HTR2B: variants seen among roughly 807,000 people sequenced by gnomAD.
HTR2B encodes 5-HT 2B receptor.
In HTR2B, 31 loss-of-function variants were observed where a neutral mutation model predicts 39.8. That is an observed-to-expected ratio of 0.78 (90% CI 0.58 to 1.05). The LOEUF is 1.05. Among genes scored for constraint, HTR2B ranks in the 50% least tolerant of loss-of-function variants. The pLI, the probability that HTR2B is intolerant of heterozygous loss-of-function variation, is 0.00. For missense variants in HTR2B, 562 were observed against 578.0 expected, an observed-to-expected ratio of 0.97 and a Z score of 0.28; for synonymous variants, 210 against 207.1, an observed-to-expected ratio of 1.01 and a Z score of -0.12.
Position 231,108,938 on chromosome 2 carries a change from A to G in HTR2B, c.1025T>C (p.Ile342Thr). The change falls in exon 4 of 4, where the codon ATT becomes ACT. Residue 342 changes from isoleucine to threonine, a missense_variant. Coordinates refer to ENST00000258400, the MANE Select transcript of HTR2B (RefSeq NM_000867.5). ...ACATAAAACTAAAGTTATATTTGTA[A>G]TAAAGAAGGGACACCACATAAGCAA... is the stretch of plus-strand genomic sequence containing the variant. ...LFLLMWCPFF[I>T]TNITLVLCDS... 2 of 1,614,164 alleles carry G rather than the reference A, an allele frequency of 1.2e-6. No individual in the cohort carries two copies. Among genetic ancestry groups the G allele is most frequent in the South Asian group, 1.1e-5 (1 of 91,078 alleles).
Position 231,123,941 on chromosome 2 carries a change from C to A in HTR2B, c.-177G>T. ...CTCTAAAATGAGCGCATACACACAT[C>A]TGTCCATGTTTGTAGGTAAGATATC... On this transcript the variant is annotated 5_prime_UTR_variant, in exon 2 of 4. Coordinates refer to ENST00000258400, the MANE Select transcript of HTR2B (RefSeq NM_000867.5). The A allele has an allele frequency of 1.6e-6, 1 of 641,456 alleles. No individual in the cohort carries two copies. The highest frequency in any genetic ancestry group is 1.7e-5 in the South Asian group (1 of 58,668). 39.7% of individuals were successfully genotyped at this position (641,456 alleles called of 1,614,324 possible).
intron 3 of HTR2B, among the ~76,000 whole-genome samples, chr2:231,110,419 G>A (rs932590842): frequency 6.6e-6 from 1 of 152,182 alleles, no homozygotes; most frequent in African/African-American, 2.4e-5. Flanking sequence ...GTTTCTTAGT[G>A]AAGTAGCTTA....
At chr2:231,115,461 A>C (rs968335100) in intron 2 of HTR2B, among the ~76,000 whole-genome samples, 1 of 152,180 alleles carries the variant, frequency 6.6e-6, no homozygotes, top group Admixed American at 6.6e-5. Context: ...ACTTTTACTC[A>C]GAAAGAATAA....
At chr2:231,122,663 T>C (rs949591849) in intron 2 of HTR2B, among the ~76,000 whole-genome samples, 6 of 152,154 alleles carry the variant, frequency 3.9e-5, no homozygotes, top group Non-Finnish European at 1.5e-5. Context: ...GAACTACTTA[T>C]ATCTTTTTTT....
At chr2:231,115,869 T>C (rs1225897093) in intron 2 of HTR2B, among the ~76,000 whole-genome samples, 1 of 152,164 alleles carries the variant, frequency 6.6e-6, no homozygotes, top group Non-Finnish European at 1.5e-5. Flanking sequence ...TCAGACCTAC[T>C]GTATCAGACT....
At chr2:231,123,241 C>A (rs7607338) in intron 2 of HTR2B, among the ~76,000 whole-genome samples, 172 bp downstream of exon 2, 74,543 of 152,010 alleles carry the variant, frequency 0.49, 21,788 homozygotes, top group African/African-American at 0.81. Flanking sequence ...TTTAAAACTG[C>A]TGATCAACCA....
chr2:231,109,535 A>AT (rs1271675296), intron 3 of HTR2B, 126 bp from the exon 4 acceptor site: 5 of 800,032 alleles, frequency 6.2e-6, no homozygotes, highest in Middle Eastern at 5.8e-4. Flanking sequence ...GGGACCCACA[A>AT]TGCAGGATTT....
Position 231,109,316 on chromosome 2 carries a change from TCGCCA to T in HTR2B, c.642_646del (p.Phe214LeufsTer57). The T allele has an allele frequency of 6.2e-7, 1 of 1,614,064 alleles. No individual in the cohort carries two copies. The highest frequency in any genetic ancestry group is 2.2e-5 in the East Asian group (1 of 44,858). The stretch of plus-strand genomic sequence containing the variant: ...AGCCAGTGAGCCAAAGAGCATGAAA[TCGCCA>T]AAACGTTCCTTTGTCAGCACACAAG... On this transcript the variant is annotated frameshift_variant, in exon 4 of 4. Transcript: ENST00000258400. LOFTEE classifies it high-confidence loss of function.
intron 3 of HTR2B, among the ~76,000 whole-genome samples, chr2:231,112,095 A>T (rs1488083282): frequency 6.6e-6 from 1 of 151,922 alleles, no homozygotes; most frequent in Non-Finnish European, 1.5e-5. Context: ...ATTCTTAAGG[A>T]TCCATTTCTT....
intron 2 of HTR2B, among the ~76,000 whole-genome samples, chr2:231,117,747 G>C (rs1326669914): frequency 6.6e-6 from 1 of 152,134 alleles, no homozygotes; most frequent in Non-Finnish European, 1.5e-5. Context: ...CCACAGAAAA[G>C]AGATCTTGCA....
chr2:231,123,593 C>T lies in HTR2B; in HGVS notation c.172G>A (p.Ala58Thr). ...EEQGNKLHWA[A>T]LLILMVIIPT... ...ATTATCACCATGAGTATCAGAAGAG[C>T]TGCCCAGTGCAGTTTATTTCCCTGT... Residue 58 changes from alanine (A) to threonine (T), a missense_variant, in exon 2 of 4, where the codon GCT becomes ACT. Ala to Thr is a moderately conservative substitution (Grantham distance 58, BLOSUM62 0). Transcript: ENST00000258400. 6 of 1,614,102 alleles carry T rather than the reference C, an allele frequency of 3.7e-6. No individual in the cohort carries two copies. Among genetic ancestry groups the T allele is most frequent in the Non-Finnish European group, 3.4e-6 (4 of 1,179,942 alleles).
chr2:231,123,504 A>G lies in HTR2B; in HGVS notation c.261T>C (p.Tyr87=), dbSNP rs757363017. The change falls in exon 2 of 4, where the codon TAT becomes TAC. Residue 87 remains tyrosine (Y), a synonymous_variant. Transcript: ENST00000258400. ...LAVSLEKKLQ[Y]ATNYFLMSLA... ...AGGACATTAGAAAGTAATTAGTAGC[A>G]TACTGCAGCTTCTTCTCCAGTGAAA... is the stretch of plus-strand genomic sequence containing the variant. The G allele has an allele frequency of 3.1e-6, 5 of 1,614,088 alleles. No individual in the cohort carries two copies. The highest frequency in any genetic ancestry group is 1.1e-5 in the South Asian group (1 of 91,078).
At chr2:231,117,243 A>G (rs915713720) in intron 2 of HTR2B, among the ~76,000 whole-genome samples, 4 of 152,094 alleles carry the variant, frequency 2.6e-5, no homozygotes, top group African/African-American at 9.6e-5. Context: ...AAGAATTTCT[A>G]ATTACATTAT....
chr2:231,119,316 T>C (rs1454193183), intron 2 of HTR2B, among the ~76,000 whole-genome samples: 3 of 152,210 alleles, frequency 2.0e-5, no homozygotes, highest in African/African-American at 7.2e-5. Flanking sequence ...CTAAATCATA[T>C]TTAATTTGCA....
At chr2:231,121,984 A>C (rs548213103) in intron 2 of HTR2B, among the ~76,000 whole-genome samples, 25,134 of 152,052 alleles carry the variant, frequency 0.17, 2,208 homozygotes, top group Non-Finnish European at 0.17. Flanking sequence ...TATTTATCAA[A>C]TATGCATATA....
chr2:231,110,920 T>G (rs1453622270), intron 3 of HTR2B, among the ~76,000 whole-genome samples: 1 of 152,236 alleles, frequency 6.6e-6, no homozygotes, highest in African/African-American at 2.4e-5. Flanking sequence ...AGAAAAAGTT[T>G]GCTGACCCCT....
At chr2:231,123,274 G>C in intron 2 of HTR2B, 139 bp downstream of exon 2, 1 of 721,824 alleles carries the variant, frequency 1.4e-6, no homozygotes, top group Non-Finnish European at 2.5e-6. Context: ...TAAAACAAGG[G>C]ACTGTTTACT....
chr2:231,118,647 C>T (rs2125223857), intron 2 of HTR2B, among the ~76,000 whole-genome samples: 1 of 151,990 alleles, frequency 6.6e-6, no homozygotes, highest in Non-Finnish European at 1.5e-5. Flanking sequence ...ACTAGAAACC[C>T]CGTATCTTGA....
At position 231,123,407 on chromosome 2, in the gene HTR2B, A is replaced by G. The variant is rs772365577; in HGVS notation, c.352+6T>C. Reference sequence around the variant, plus strand: ...TTTGATGGCACAAACAAAGTGAAATACTTACCAAACATTATTGTCAAGAGG... The same window carrying G: ...TTTGATGGCACAAACAAAGTGAAATGCTTACCAAACATTATTGTCAAGAGG... On this transcript the variant is annotated splice_donor_region_variant and intron_variant, in intron 2 of 3. Transcript: ENST00000258400. 1 of 1,604,120 alleles carries G rather than the reference A, an allele frequency of 6.2e-7. No individual in the cohort carries two copies. Among genetic ancestry groups the G allele is most frequent in the East Asian group, 2.2e-5 (1 of 44,816 alleles).
Sources: allele counts gnomAD v4.1 joint callset (sites outside exome capture counted in the v4.1 genomes callset), GRCh38; gene constraint gnomAD v4.1.1; transcripts MANE v1.5; gene names NCBI Gene and HGNC (gene_info 2026-07-23, HGNC 2026-07-21).